Variants in CFAP54 observed in about 807,000 individuals in gnomAD.
CFAP54 encodes the protein cilia and flagella associated protein 54, also known as cilia- and flagella-associated protein 54.
CFAP54 carries 290 observed loss-of-function variants against 370.4 expected under a neutral mutation model. That is an observed-to-expected ratio of 0.78 (90% CI 0.71 to 0.86). The LOEUF is 0.86. CFAP54 is among the 40% of genes least tolerant of loss of function. The pLI is 0.00. For missense variants in CFAP54, 3,399 were observed against 3,528.7 expected (o/e 0.96, Z 0.93); for synonymous variants, 1,206 against 1,236.5 (o/e 0.98, Z 0.52).
At chr12:96,609,982 TA>T (rs1956338328) in intron 26 of CFAP54, among the ~76,000 whole-genome samples, 1 of 152,230 alleles carries the variant, frequency 6.6e-6, no homozygotes, top group Non-Finnish European at 1.5e-5. Flanking sequence ...TTAAATTTAA[TA>T]CAGTTCTAAT....
At chr12:96,528,571 G>C (rs550115700) in intron 9 of CFAP54, among the ~76,000 whole-genome samples, 3 of 152,096 alleles carry the variant, frequency 2.0e-5, no homozygotes, top group East Asian at 3.9e-4. Context: ...TCTGTACCTG[G>C]AATTTTTTGT....
At chr12:96,538,895 G>A (rs908901523) in intron 13 of CFAP54, among the ~76,000 whole-genome samples, 7 of 151,786 alleles carry the variant, frequency 4.6e-5, no homozygotes, top group East Asian at 1.9e-4. Flanking sequence ...TGGGACTACA[G>A]GCATACACCA....
At chr12:96,785,825 A>G (rs1958623583) in intron 61 of CFAP54, among the ~76,000 whole-genome samples, 1 of 152,192 alleles carries the variant, frequency 6.6e-6, no homozygotes, top group Admixed American at 6.5e-5. Context: ...TTCCGCAGAC[A>G]CAGGAGTAAC....
At chr12:96,546,162 T>C (rs186549464) in intron 14 of CFAP54, among the ~76,000 whole-genome samples, 1 of 152,188 alleles carries the variant, frequency 6.6e-6, no homozygotes, top group African/African-American at 2.4e-5. Context: ...ACAGCAGTCT[T>C]ATGGGACTGA....
At chr12:96,796,311 C>T (rs1958761403) in intron 63 of CFAP54, among the ~76,000 whole-genome samples, 1 of 152,170 alleles carries the variant, frequency 6.6e-6, no homozygotes, top group African/African-American at 2.4e-5. Context: ...TCTTATTATG[C>T]TTTTATACTA....
intron 32 of CFAP54, among the ~76,000 whole-genome samples, chr12:96,641,108 G>A (rs1956722855): frequency 6.6e-6 from 1 of 152,150 alleles, no homozygotes; most frequent in South Asian, 2.1e-4. Context: ...CTTCTGCACA[G>A]CAAAAAGAAA....
chr12:96,625,403 A>T (rs1353545310), intron 28 of CFAP54, among the ~76,000 whole-genome samples: 1 of 152,216 alleles, frequency 6.6e-6, no homozygotes, highest in African/African-American at 2.4e-5. Flanking sequence ...TGTAATTGGT[A>T]GATTTCTGAG....
rs75063589 is a variant in CFAP54 at position 96,600,298 on chromosome 12, C to A, written c.3639+1531C>A. On this transcript the variant is annotated intron_variant, in intron 26 of 67. Transcript: ENST00000524981. Reference sequence around the variant, plus strand: ...TATTTTTTTCAGGTTTTTCAAAGATCAGATGGTTGTAGATGTGTGGTGTTA... The same window carrying A: ...TATTTTTTTCAGGTTTTTCAAAGATAAGATGGTTGTAGATGTGTGGTGTTA... 1.9e-3 allele frequency among the ~76,000 whole-genome samples: 287 copies of A among 152,180 alleles called. 2 individuals carry two copies. The highest frequency in any genetic ancestry group is 6.7e-3 in the African/African-American group (278 of 41,512).
chr12:96,688,908 T>A lies in CFAP54; in HGVS notation c.6015-8T>A, dbSNP rs9971909. The A allele has an allele frequency of 0.011, 16,467 of 1,537,762 alleles. 274 individuals carry two copies. The highest frequency in any genetic ancestry group is 0.073 in the African/African-American group (5,237 of 71,592). ...ACTAATCAATTTTTTTTTCTTATAC[T>A]TACTTAGATTTATTAAGTCATTGAA... On this transcript the variant is annotated splice_polypyrimidine_tract_variant and splice_region_variant and intron_variant, in intron 42 of 67. Transcript: ENST00000524981.
intron 13 of CFAP54, among the ~76,000 whole-genome samples, chr12:96,539,034 G>A (rs1180361698): frequency 1.3e-5 from 2 of 149,226 alleles, no homozygotes; most frequent in African/African-American, 2.5e-5. Context: ...GATTATTATA[G>A]GCATGAGCCA....
rs777863754 is a variant in CFAP54, at chr12:96,539,077, TG to T, written c.1926+560del. 3.0e-3 allele frequency among the ~76,000 whole-genome samples: 410 copies of T among 138,804 alleles called. 54 individuals carry two copies. Among genetic ancestry groups the T allele is most frequent in the South Asian group, 0.014 (56 of 4,094 alleles). The allele number at this position is 138,804 out of a possible 152,430, so 91.1% of individuals were successfully genotyped here. ...CGGCCTTTTCAGGTTTTTTTTTTTT[TG>T]TTTTTGTTTTTGAGATGGAGTCTTG... On this transcript the variant is annotated intron_variant, in intron 13 of 67. Coordinates refer to ENST00000524981, the MANE Select transcript of CFAP54 (RefSeq NM_001306084.2).
chr12:96,861,544 A>G (rs1225485021), intron 67 of CFAP54, among the ~76,000 whole-genome samples: 1 of 152,230 alleles, frequency 6.6e-6, no homozygotes, highest in African/African-American at 2.4e-5. Context: ...TCCATATTTT[A>G]TACTTCTGAG....
chr12:96,564,592 T>G, intron 18 of CFAP54, 38 bp downstream of exon 18: 2 of 670,026 alleles, frequency 3.0e-6, no homozygotes, highest in Admixed American at 4.5e-5. Flanking sequence ...TCCAAAAAAT[T>G]TGGAAGATAG....
intron 49 of CFAP54, among the ~76,000 whole-genome samples, chr12:96,719,103 T>A (rs1280465252): frequency 6.6e-6 from 1 of 152,122 alleles, no homozygotes; most frequent in South Asian, 2.1e-4. Flanking sequence ...CCATCCCGTT[T>A]ATCATTTCCC....
chr12:96,660,424 T>A (rs1956980843), intron 38 of CFAP54, among the ~76,000 whole-genome samples: 1 of 152,174 alleles, frequency 6.6e-6, no homozygotes, highest in Non-Finnish European at 1.5e-5. Flanking sequence ...ATTCAATCTA[T>A]GTCTCTAAGT....
chr12:96,623,440 C>T (rs1355719223), intron 27 of CFAP54, among the ~76,000 whole-genome samples: 1 of 152,074 alleles, frequency 6.6e-6, no homozygotes, highest in Non-Finnish European at 1.5e-5. Flanking sequence ...ATTGTCTTTT[C>T]AAGATTTTTA....
At chr12:96,599,564 G>C (rs1406579126) in intron 26 of CFAP54, among the ~76,000 whole-genome samples, 1 of 152,134 alleles carries the variant, frequency 6.6e-6, no homozygotes, top group African/African-American at 2.4e-5. Context: ...TCTAGTTCTA[G>C]ATCCTTGAGG....
Position 96,535,718 on chromosome 12 carries a change from A to C in CFAP54, c.1791+118A>C, listed in dbSNP as rs1428809316. On this transcript the variant is annotated intron_variant, in intron 12 of 67. Transcript: ENST00000524981. The stretch of plus-strand genomic sequence containing the variant: ...CCTTGCTAAAATTTTATTTTGTTTA[A>C]TCATTAGCATATAGGATTAAGTTAG... 2.3e-5 allele frequency: 14 copies of C among 596,602 alleles called. No homozygotes were observed. In the East Asian group the frequency reaches 3.7e-4, roughly 16 times the overall value. The allele number at this position is 596,602 out of a possible 1,614,324, so 37.0% of individuals were successfully genotyped here. A position where few individuals can be genotyped will look rare whatever the true frequency, so the allele number is the denominator to read the frequency against.
chr12:96,711,738 T>C (rs1957617416), intron 48 of CFAP54, among the ~76,000 whole-genome samples: 1 of 152,196 alleles, frequency 6.6e-6, no homozygotes, highest in African/African-American at 2.4e-5. Flanking sequence ...ACCAATAATT[T>C]TTACTAATTT....
Sources: gnomAD v4.1 joint callset for allele counts (sites outside exome capture counted in the v4.1 genomes callset) on GRCh38, gnomAD v4.1.1 for gene constraint, MANE v1.5 for transcripts, NCBI Gene and HGNC (gene_info 2026-07-23, HGNC 2026-07-21) for gene names.